The following SLC24A3 variants were observed in gnomAD, a reference collection of about 807,000 sequenced individuals.
The protein encoded by SLC24A3 is solute carrier family 24 member 3.
A neutral mutation model predicts 75.8 loss-of-function variants in SLC24A3; 28 were observed. The ratio of observed to expected loss-of-function variants is 0.37; its 90% CI spans 0.27 to 0.51. The LOEUF is 0.51. Ranked by LOEUF, SLC24A3 falls within the 20% of genes least tolerant of loss-of-function variation. The pLI is 0.94. For missense variants in SLC24A3, 663 were observed against 847.8 expected (o/e 0.78, Z 2.71); for synonymous variants, 372 against 334.1 (o/e 1.11, Z -1.24).
chr20:19,575,254 C>CAAAAAA (rs34789411), intron 3 of SLC24A3, among the ~76,000 whole-genome samples: 4 of 72,642 alleles, frequency 5.5e-5, no homozygotes, highest in Admixed American at 1.7e-4. Flanking sequence ...GAGACACTCT[C>CAAAAAA]AAAAAAAAAA....
At chr20:19,513,727 C>CTT (rs750433352) in intron 2 of SLC24A3, among the ~76,000 whole-genome samples, 9 of 95,798 alleles carry the variant, frequency 9.4e-5, no homozygotes, top group African/African-American at 2.9e-4. Flanking sequence ...GTGGGTCTTG[C>CTT]TTTTTTTTTA....
chr20:19,414,072 C>T (rs571537911), intron 2 of SLC24A3, among the ~76,000 whole-genome samples: 1 of 152,126 alleles, frequency 6.6e-6, no homozygotes, highest in Non-Finnish European at 1.5e-5. Context: ...AATGTCCAGC[C>T]CTCCTTGGTT....
chr20:19,470,659 C>A (rs1987855457), intron 2 of SLC24A3, among the ~76,000 whole-genome samples: 1 of 152,156 alleles, frequency 6.6e-6, no homozygotes, highest in Admixed American at 6.5e-5. Context: ...ATTAACCATG[C>A]AAAATGCCAG....
At chr20:19,475,631 A>G (rs1987949821) in intron 2 of SLC24A3, among the ~76,000 whole-genome samples, 1 of 152,202 alleles carries the variant, frequency 6.6e-6, no homozygotes, top group Admixed American at 6.5e-5. Context: ...CATTATAATG[A>G]CAAAAAAAGA....
intron 2 of SLC24A3, among the ~76,000 whole-genome samples, chr20:19,492,400 C>T (rs1988222081): frequency 6.6e-6 from 1 of 152,238 alleles, no homozygotes; most frequent in Non-Finnish European, 1.5e-5. Flanking sequence ...CACTTATCTG[C>T]CAGTGTGTTC....
intron 6 of SLC24A3, among the ~76,000 whole-genome samples, chr20:19,590,363 C>G (rs2031358260): frequency 6.6e-6 from 1 of 151,988 alleles, no homozygotes. Context: ...CTTATTGTTC[C>G]CCAGACAAAA....
intron 2 of SLC24A3, among the ~76,000 whole-genome samples, chr20:19,444,138 ATTGATTTCAAATATCAATCCCACC>A (rs1987341310): frequency 6.6e-6 from 1 of 152,198 alleles, no homozygotes; most frequent in Non-Finnish European, 1.5e-5. Flanking sequence ...AATTACATTA[ATTGATTTCAAATATCAATCCCACC>A]TTGCATAACT....
At chr20:19,225,409 G>C (rs1013330834) in intron 1 of SLC24A3, among the ~76,000 whole-genome samples, 2 of 152,136 alleles carry the variant, frequency 1.3e-5, no homozygotes, top group Admixed American at 6.6e-5. Flanking sequence ...GTAAATCTGG[G>C]CATGAGAACA....
intron 12 of SLC24A3, among the ~76,000 whole-genome samples, chr20:19,688,597 C>G (rs1336064892): frequency 6.6e-6 from 1 of 152,204 alleles, no homozygotes; most frequent in African/African-American, 2.4e-5. Flanking sequence ...AGATGGGTTC[C>G]TATCAAGTCA....
chr20:19,554,568 C>T (rs779956059), intron 3 of SLC24A3, among the ~76,000 whole-genome samples: 3 of 152,168 alleles, frequency 2.0e-5, no homozygotes, highest in Non-Finnish European at 4.4e-5. Flanking sequence ...AAATATGGTG[C>T]TTGCTAATAA....
At chr20:19,443,635 T>C (rs1049597390) in intron 2 of SLC24A3, among the ~76,000 whole-genome samples, 1 of 152,220 alleles carries the variant, frequency 6.6e-6, no homozygotes, top group African/African-American at 2.4e-5. Context: ...GTTTCATTTC[T>C]TCTTCTCCAA....
rs192450029 is a variant in SLC24A3, at chr20:19,721,859, A to G, written c.*719A>G. 11 of 152,828 alleles carry G rather than the reference A, an allele frequency of 7.2e-5. No homozygotes were observed. Among genetic ancestry groups the G allele is most frequent in the Admixed American group, 6.5e-4 (10 of 15,306 alleles). 9.5% of individuals were successfully genotyped at this position (152,828 alleles called of 1,614,324 possible). ...ACAAATGCATGACATTTTATAGCCA[A>G]GGACGCCTCGCTAAAGTCTTATGGG... is the stretch of plus-strand genomic sequence containing the variant. On this transcript the variant is annotated 3_prime_UTR_variant, in exon 17 of 17. Coordinates refer to ENST00000328041, the MANE Select transcript of SLC24A3 (RefSeq NM_020689.4).
At chr20:19,680,045 CTGTG>C (rs1215665538) in intron 9 of SLC24A3, among the ~76,000 whole-genome samples, 1 of 149,956 alleles carries the variant, frequency 6.7e-6, no homozygotes. Context: ...GACTGGGCAT[CTGTG>C]TGTGTCTGTG....
intron 2 of SLC24A3, among the ~76,000 whole-genome samples, chr20:19,297,063 A>T (rs946445182): frequency 1.2e-4 from 18 of 152,218 alleles, no homozygotes; most frequent in Admixed American, 1.2e-3. Flanking sequence ...TACTGAATGC[A>T]TATAGACCCA....
rs373217256 is a variant in SLC24A3 at position 19,613,555 on chromosome 20, C to T, written c.612+28011C>T. ...TCTGCCAAAACAAAATACATCTATT[C>T]CCCGTTTTAATCAAATAATCTCAGA... On this transcript the variant is annotated intron_variant, in intron 6 of 16. Coordinates refer to ENST00000328041, the MANE Select transcript of SLC24A3 (RefSeq NM_020689.4). Among the ~76,000 whole-genome samples the T allele has an allele frequency of 2.3e-4, 35 of 152,270 alleles. 1 individual carries two copies. The South Asian group carries it at 7.0e-3, about 31-fold the overall frequency.
At chr20:19,716,324 C>A (rs976126081) in intron 15 of SLC24A3, among the ~76,000 whole-genome samples, 1 of 151,892 alleles carries the variant, frequency 6.6e-6, no homozygotes, top group Non-Finnish European at 1.5e-5. Context: ...CAAGTCAGCA[C>A]CCCAGTACTC....
At chr20:19,676,773 G>T (rs2032529105) in intron 9 of SLC24A3, among the ~76,000 whole-genome samples, 1 of 152,090 alleles carries the variant, frequency 6.6e-6, no homozygotes, top group African/African-American at 2.4e-5. Context: ...CCTGGCCTTG[G>T]CAAGGATTGC....
At chr20:19,605,417 T>C (rs1402309031) in intron 6 of SLC24A3, among the ~76,000 whole-genome samples, 1 of 152,238 alleles carries the variant, frequency 6.6e-6, no homozygotes, top group Non-Finnish European at 1.5e-5. Context: ...GTTTTTCTTT[T>C]CTTTTCTTTA....
Position 19,721,183 on chromosome 20 carries a change from C to T in SLC24A3, c.*43C>T. On this transcript the variant is annotated 3_prime_UTR_variant, in exon 17 of 17. Transcript: ENST00000328041. ...GAGGCTCAGCTCCTTCTTTTCTGTG[C>T]AATACGAGACCCGGCCGCACCCCGA... 6.2e-7 allele frequency: 1 copy of T among 1,608,756 alleles called. No homozygotes were observed. The highest frequency in any genetic ancestry group is 8.5e-7 in the Non-Finnish European group (1 of 1,178,218).
Sources: gnomAD v4.1 joint callset for allele counts (sites outside exome capture counted in the v4.1 genomes callset) on GRCh38, gnomAD v4.1.1 for gene constraint, MANE v1.5 for transcripts, NCBI Gene and HGNC (gene_info 2026-07-23, HGNC 2026-07-21) for gene names.